The following TAFA2 variants were observed in gnomAD, a reference collection of about 807,000 sequenced individuals.
TAFA2 encodes the protein chemokine-like protein TAFA-2.
TAFA2 carries 7 observed loss-of-function variants against 18.8 expected under a neutral mutation model. The ratio of observed to expected loss-of-function variants is 0.37; its 90% CI spans 0.21 to 0.70. TAFA2 has a LOEUF of 0.70. Among genes scored for constraint, TAFA2 ranks in the 30% least tolerant of loss-of-function variants. TAFA2 has a pLI of 0.53. For missense variants in TAFA2, 122 were observed against 158.1 expected (o/e 0.77, Z 1.23); for synonymous variants, 60 against 54.2 (o/e 1.11, Z -0.47).
chr12:61,823,284 C>A (rs1212759575), intron 2 of TAFA2, among the ~76,000 whole-genome samples: 3 of 152,020 alleles, frequency 2.0e-5, no homozygotes, highest in African/African-American at 7.2e-5. Context: ...GCAGTCCTCC[C>A]ACCTTGGCCT....
Position 61,938,521 on chromosome 12 carries a change from G to T in TAFA2, c.-1-71095C>A, listed in dbSNP as rs371516633. 8.5e-5 allele frequency among the ~76,000 whole-genome samples: 13 copies of T among 152,148 alleles called. No homozygotes were observed. In the East Asian group the frequency reaches 1.4e-3, roughly 16 times the overall value. On this transcript the variant is annotated intron_variant, in intron 1 of 4. Coordinates refer to ENST00000416284, the MANE Select transcript of TAFA2 (RefSeq NM_178539.5). ...ATCAGAGATTTCTAAAGAACTAAAAGTAAATCTACTATTTGATCCAGCAAT... is the reference window on the plus strand; with the variant it reads ...ATCAGAGATTTCTAAAGAACTAAAATTAAATCTACTATTTGATCCAGCAAT...
chr12:62,193,707 T>C (rs939522620), upstream of TAFA2, among the ~76,000 whole-genome samples: 5 of 152,230 alleles, frequency 3.3e-5, no homozygotes, highest in Non-Finnish European at 7.3e-5. Flanking sequence ...ATCTGTAACC[T>C]TAACATTTAG....
intron 2 of TAFA2, among the ~76,000 whole-genome samples, chr12:61,764,621 GA>G (rs1220887087): frequency 6.6e-6 from 1 of 152,040 alleles, no homozygotes; most frequent in Non-Finnish European, 1.5e-5. Context: ...TAGACTTAGA[GA>G]TTTCTCCCAA....
intron 1 of TAFA2, among the ~76,000 whole-genome samples, chr12:62,247,827 T>TCCC (rs1459164476): frequency 8.4e-5 from 9 of 106,716 alleles, no homozygotes; most frequent in African/African-American, 2.6e-4. Flanking sequence ...TTCCCTTTAT[T>TCCC]TTGAGTGTTT....
In TAFA2 at chr12:62,229,866, T is replaced by C. The variant is rs376480893; in HGVS notation, c.-130+28897A>G. ...TGGATTTTTGTTGTTGTTGTTGTTG[T>C]TGTTGTTGGGAGACTTTTAAATTAT... is the stretch of plus-strand genomic sequence containing the variant. On this transcript the variant is annotated intron_variant, in intron 1 of 5. Coordinates refer to the TAFA2 transcript ENST00000551619. Among the ~76,000 whole-genome samples, 5 of 150,988 alleles carry C rather than the reference T, an allele frequency of 3.3e-5. No homozygotes were observed. The East Asian group carries it at 7.7e-4, about 23-fold the overall frequency.
At chr12:62,051,943 G>A (rs1183250019) in intron 1 of TAFA2, among the ~76,000 whole-genome samples, 1 of 152,052 alleles carries the variant, frequency 6.6e-6, no homozygotes, top group African/African-American at 2.4e-5. Context: ...TACTAAGTCT[G>A]CCTTTGTAGT....
At chr12:61,891,836 A>T (rs1292442433) in intron 1 of TAFA2, among the ~76,000 whole-genome samples, 1 of 152,120 alleles carries the variant, frequency 6.6e-6, no homozygotes, top group Admixed American at 6.6e-5. Context: ...CAGTCCACAG[A>T]AGCCTGATGG....
chr12:61,731,866 G>A (rs1323340834), intron 4 of TAFA2, among the ~76,000 whole-genome samples: 1 of 152,020 alleles, frequency 6.6e-6, no homozygotes, highest in Non-Finnish European at 1.5e-5. Flanking sequence ...CAGGTTATGT[G>A]TTCTAGGTTC....
intron 1 of TAFA2, among the ~76,000 whole-genome samples, chr12:62,222,635 T>C (rs941409211): frequency 5.3e-5 from 8 of 151,380 alleles, no homozygotes; most frequent in African/African-American, 1.5e-4. Context: ...GTCTCACGAG[T>C]AGCTGGGACT....
At chr12:61,890,949 A>G (rs1337164874) in intron 1 of TAFA2, among the ~76,000 whole-genome samples, 1 of 152,200 alleles carries the variant, frequency 6.6e-6, no homozygotes, top group Non-Finnish European at 1.5e-5. Flanking sequence ...AAAAGGGGTT[A>G]TATCCTGGAA....
intron 1 of TAFA2, among the ~76,000 whole-genome samples, chr12:61,890,076 C>A (rs142563756): frequency 2.3e-4 from 35 of 152,308 alleles, no homozygotes; most frequent in African/African-American, 8.4e-4. Flanking sequence ...ACAATTTATC[C>A]TATTTCTTAC....
intron 1 of TAFA2, among the ~76,000 whole-genome samples, chr12:62,142,427 C>T (rs1346691116): frequency 2.0e-5 from 3 of 152,112 alleles, no homozygotes; most frequent in African/African-American, 4.8e-5. Flanking sequence ...GTTACAAATG[C>T]CTATGTTCCT....
In TAFA2 at chr12:61,729,080, C is replaced by G. The variant is rs562260300; in HGVS notation, c.385-18663G>C. Among the ~76,000 whole-genome samples, 3 of 151,832 alleles carry G rather than the reference C, an allele frequency of 2.0e-5. No homozygotes were observed. In the South Asian group the frequency reaches 6.2e-4, roughly 32 times the overall value. ...GCTAAAAATAGCACCCCAATCTCTT[C>G]TAGCTTGTATAGTTTCTGCTGAGAA... On this transcript the variant is annotated intron_variant, in intron 4 of 4. Transcript: ENST00000416284.
chr12:62,187,821 C>T (rs532624374), intron 1 of TAFA2, among the ~76,000 whole-genome samples: 2 of 152,206 alleles, frequency 1.3e-5, no homozygotes, highest in East Asian at 1.9e-4. Flanking sequence ...GATTGTGCTC[C>T]GAACCTAAAG....
intron 1 of TAFA2, among the ~76,000 whole-genome samples, chr12:62,096,927 C>A (rs530607703): frequency 6.6e-6 from 1 of 152,100 alleles, no homozygotes; most frequent in South Asian, 2.1e-4. Context: ...CAGCTCCACA[C>A]CCCAAGTTGC....
chr12:61,730,382 G>A (rs1033069090), intron 4 of TAFA2, among the ~76,000 whole-genome samples: 1 of 152,144 alleles, frequency 6.6e-6, no homozygotes, highest in African/African-American at 2.4e-5. Flanking sequence ...GAGAATATCA[G>A]CTGCAGTAGT....
chr12:61,893,528 G>C (rs1875720845), intron 1 of TAFA2, among the ~76,000 whole-genome samples: 1 of 152,116 alleles, frequency 6.6e-6, no homozygotes. Flanking sequence ...TGAGAGGGGA[G>C]AATGGCAGGA....
intron 1 of TAFA2, among the ~76,000 whole-genome samples, chr12:62,043,905 T>C (rs1881837096): frequency 1.3e-5 from 2 of 152,178 alleles, no homozygotes; most frequent in Non-Finnish European, 2.9e-5. Context: ...ATAACTACTT[T>C]GGAAAAATAA....
chr12:62,200,752 A>G (rs983284042), intron 1 of TAFA2, among the ~76,000 whole-genome samples: 11 of 152,168 alleles, frequency 7.2e-5, no homozygotes, highest in Non-Finnish European at 1.6e-4. Flanking sequence ...TTTTGGATCC[A>G]TGTTAATTTT....
Sources: allele counts gnomAD v4.1 joint callset (sites outside exome capture counted in the v4.1 genomes callset), GRCh38; gene constraint gnomAD v4.1.1; transcripts MANE v1.5; gene names NCBI Gene and HGNC (gene_info 2026-07-23, HGNC 2026-07-21).